Variants in MTDH observed in about 807,000 individuals in gnomAD.
MTDH encodes protein LYRIC.
Under a neutral mutation model 72.7 loss-of-function variants are expected in MTDH, and 34 were observed. The observed-to-expected ratio is 0.47, with a 90% CI of 0.36 to 0.62. The LOEUF (loss-of-function observed/expected upper bound fraction) is 0.62, where lower values mean the gene tolerates loss of function less well. MTDH is among the 20% of genes least tolerant of loss of function. The pLI is 0.00. For synonymous variants in MTDH, 266 were observed against 268.9 expected (o/e 0.99, Z 0.10); for missense variants, 677 against 699.4 (o/e 0.97, Z 0.36).
rs757574897 is a variant in MTDH at position 97,699,775 on chromosome 8, C to T, written c.1070C>T (p.Ser357Phe). Residue 357 changes from serine (S) to phenylalanine (F), a missense_variant, in exon 7 of 12, where the codon TCT becomes TTT. Ser to Phe is a radical substitution (Grantham distance 155, BLOSUM62 -2). This residue lies in a region of MTDH where 467 missense variants were observed against 469.1 expected (regional missense o/e 1.00). Transcript: ENST00000336273. ...SGIGSTAEPV[S>F]QSTTSDYQWD... ...TAAGGGTCTACTGCTGAGCCAGTTT[C>T]TCAGTCTACCACTTCTGATTATCAG... 1 of 1,612,368 alleles carries T rather than the reference C, an allele frequency of 6.2e-7. No individual in the cohort carries two copies. The highest frequency in any genetic ancestry group is 1.1e-5 in the South Asian group (1 of 91,032).
chr8:97,704,027 A>G (rs991501908), intron 7 of MTDH, among the ~76,000 whole-genome samples: 2 of 152,210 alleles, frequency 1.3e-5, no homozygotes, highest in African/African-American at 4.8e-5. Context: ...CTGACTCCAG[A>G]TACTTGCTCA....
intron 2 of MTDH, among the ~76,000 whole-genome samples, chr8:97,673,675 A>C (rs1339133199): frequency 9.9e-5 from 13 of 131,572 alleles, no homozygotes; most frequent in East Asian, 4.9e-4. Context: ...GGGGCGGGGA[A>C]GGGGGGGCAC....
At chr8:97,687,357 A>C in intron 3 of MTDH, 72 bp from the exon 4 acceptor site, 1 of 1,358,068 alleles carries the variant, frequency 7.4e-7, no homozygotes. Flanking sequence ...TCCACCCCAT[A>C]TTCTCCCCCA....
At chr8:97,675,912 C>T (rs914252942) in intron 2 of MTDH, among the ~76,000 whole-genome samples, 21 of 150,184 alleles carry the variant, frequency 1.4e-4, no homozygotes, top group African/African-American at 5.1e-4. Context: ...GGCTACCTAC[C>T]TTGTATAAAT....
chr8:97,664,364 A>C (rs1320569322), intron 2 of MTDH, among the ~76,000 whole-genome samples: 2 of 152,138 alleles, frequency 1.3e-5, no homozygotes, highest in African/African-American at 4.8e-5. Flanking sequence ...TCAAAAAAAA[A>C]AAAATGGATG....
chr8:97,700,736 C>G (rs1814084828), intron 7 of MTDH, among the ~76,000 whole-genome samples: 1 of 152,172 alleles, frequency 6.6e-6, no homozygotes, highest in Non-Finnish European at 1.5e-5. Flanking sequence ...AAAGTTGTGA[C>G]AAGGGAAAGT....
At chr8:97,644,988 C>A in intron 1 of MTDH, 101 bp downstream of exon 1, 1 of 1,357,162 alleles carries the variant, frequency 7.4e-7, no homozygotes, top group Non-Finnish European at 9.7e-7. Flanking sequence ...GAAAAGAGTG[C>A]TTAGTCGAAA....
intron 1 of MTDH, among the ~76,000 whole-genome samples, chr8:97,655,420 T>G (rs760865518): frequency 6.6e-6 from 1 of 152,256 alleles, no homozygotes. Flanking sequence ...ATTACAATGC[T>G]GCCTCTAGAG....
chr8:97,672,690 G>A (rs754847280), intron 2 of MTDH, among the ~76,000 whole-genome samples: 17 of 152,250 alleles, frequency 1.1e-4, no homozygotes, highest in Middle Eastern at 3.4e-3. Context: ...ATTGAAAAAC[G>A]GTGAAATGGC....
intron 2 of MTDH, among the ~76,000 whole-genome samples, chr8:97,677,236 G>A (rs1022588388): frequency 1.6e-5 from 2 of 126,544 alleles, no homozygotes; most frequent in Non-Finnish European, 3.2e-5. Context: ...GCTCATGCCT[G>A]TAATCCCAGC....
intron 1 of MTDH, among the ~76,000 whole-genome samples, chr8:97,655,618 G>A (rs142650576): frequency 6.6e-5 from 10 of 152,302 alleles, no homozygotes; most frequent in East Asian, 1.9e-4. Context: ...ATGCTTGAAC[G>A]TGGGAATAAA....
At chr8:97,672,073 C>G (rs1185379679) in intron 2 of MTDH, among the ~76,000 whole-genome samples, 1 of 152,158 alleles carries the variant, frequency 6.6e-6, no homozygotes, top group Non-Finnish European at 1.5e-5. Context: ...TGTGTATTTT[C>G]CCTCCATAAT....
At chr8:97,717,871 T>A (rs1330414686) in intron 9 of MTDH, among the ~76,000 whole-genome samples, 1 of 151,884 alleles carries the variant, frequency 6.6e-6, no homozygotes, top group East Asian at 1.9e-4. Context: ...TGTATCAGCC[T>A]CCCAAGTAGC....
chr8:97,651,895 C>G (rs1243510357), intron 1 of MTDH, among the ~76,000 whole-genome samples: 1 of 152,186 alleles, frequency 6.6e-6, no homozygotes, highest in East Asian at 1.9e-4. Flanking sequence ...TGGTAAATTA[C>G]TCTACCATCC....
At chr8:97,683,978 G>A (rs1187458380) in intron 2 of MTDH, among the ~76,000 whole-genome samples, 8 of 152,116 alleles carry the variant, frequency 5.3e-5, no homozygotes, top group Non-Finnish European at 1.2e-4. Context: ...GGGCATGGTA[G>A]CGCATGCCTG....
chr8:97,682,078 C>A (rs71514964), intron 2 of MTDH, among the ~76,000 whole-genome samples: 2 of 151,146 alleles, frequency 1.3e-5, no homozygotes, highest in South Asian at 4.2e-4. Context: ...CTTCAAAAGT[C>A]TTAGCTAAAG....
intron 6 of MTDH, among the ~76,000 whole-genome samples, chr8:97,699,189 G>A (rs570120915): frequency 6.6e-6 from 1 of 152,316 alleles, no homozygotes; most frequent in East Asian, 1.9e-4. Flanking sequence ...TTGGGAGGCT[G>A]AGGTAGGTGA....
chr8:97,649,215 A>G (rs1225198643), intron 1 of MTDH, among the ~76,000 whole-genome samples: 1 of 152,220 alleles, frequency 6.6e-6, no homozygotes, highest in Non-Finnish European at 1.5e-5. Flanking sequence ...GTATTCTAAT[A>G]GTATGCAGTG....
At chr8:97,647,667 C>G (rs1420024276) in intron 1 of MTDH, among the ~76,000 whole-genome samples, 3 of 152,154 alleles carry the variant, frequency 2.0e-5, no homozygotes, top group African/African-American at 7.2e-5. Context: ...AGGCATTTCA[C>G]CTTGCTCTGT....
Sources: gnomAD v4.1 joint callset for allele counts (sites outside exome capture counted in the v4.1 genomes callset) on GRCh38, gnomAD v4.1.1 for gene constraint, gnomAD v4.1.1 regional missense constraint, MANE v1.5 for transcripts, NCBI Gene and HGNC (gene_info 2026-07-23, HGNC 2026-07-21) for gene names.